ZNF398: variants seen among roughly 807,000 people sequenced by gnomAD.
The protein encoded by ZNF398 is zinc finger protein 398, also known as zinc finger DNA binding protein ZER6.
A neutral mutation model predicts 41.9 loss-of-function variants in ZNF398; 18 were observed. The ratio of observed to expected loss-of-function variants is 0.43; its 90% CI spans 0.30 to 0.64. The LOEUF (loss-of-function observed/expected upper bound fraction) is 0.64. Ranked by LOEUF, ZNF398 falls within the 30% of genes least tolerant of loss-of-function variation. ZNF398 has a pLI of 0.14. For synonymous variants in ZNF398, 260 were observed against 308.8 expected (o/e 0.84, Z 1.66); for missense variants, 669 against 822.8 (o/e 0.81, Z 2.29).
chr7:149,159,874 C>CA (rs957995879), intron 2 of ZNF398, among the ~76,000 whole-genome samples: 2 of 151,936 alleles, frequency 1.3e-5, no homozygotes, highest in African/African-American at 4.8e-5. Flanking sequence ...TAAAAGCATG[C>CA]ACCACCATGC....
chr7:149,163,475 C>A (rs13247381), intron 2 of ZNF398, among the ~76,000 whole-genome samples: 5,481 of 151,504 alleles, frequency 0.036, 159 homozygotes, highest in Admixed American at 0.06. Flanking sequence ...CGAGTTCAAG[C>A]GATTCTCCTG....
chr7:149,128,465 G>A, intron 1 of ZNF398, among the ~76,000 whole-genome samples: 1 of 152,048 alleles, frequency 6.6e-6, no homozygotes, highest in African/African-American at 2.4e-5. Context: ...TAGATTCTCT[G>A]GCCGGGCGCA....
intron 2 of ZNF398, among the ~76,000 whole-genome samples, chr7:149,133,679 ACATATATATGTGTG>A (rs369049773): frequency 0.089 from 3,122 of 34,956 alleles, 147 homozygotes; most frequent in Non-Finnish European, 0.13. Flanking sequence ...ATATATATAT[ACATATATATGTGTG>A]TATATATATA....
chr7:149,154,273 A>T lies in ZNF398; in HGVS notation c.353A>T (p.Asn118Ile). The T allele has an allele frequency of 6.2e-7, 1 of 1,614,090 alleles. No homozygotes were observed. Among genetic ancestry groups the T allele is most frequent in the Non-Finnish European group, 8.5e-7 (1 of 1,180,014 alleles). Residue 118 changes from asparagine (N) to isoleucine (I), a missense_variant, in exon 2 of 6, where the codon AAC becomes ATC. Physicochemically the swap from Asn to Ile is moderately radical, Grantham distance 149. Around this residue, in one of 3 missense-constraint regions of ZNF398, gnomAD observed 169 missense variants for 239.5 expected, o/e 0.71. Coordinates refer to ENST00000475153, the MANE Select transcript of ZNF398 (RefSeq NM_170686.3). ...CAGAGGCGGCTGGAGAACTTGGAGA[A>T]CCTGCTGCGCAACAGGAACTTCTGG... The part of the protein sequence containing the change: ...LLQRRLENLE[N>I]LLRNRNFWIL...
intron 2 of ZNF398, among the ~76,000 whole-genome samples, chr7:149,165,134 G>GA (rs1209275774): frequency 1.3e-5 from 2 of 151,180 alleles, no homozygotes; most frequent in Admixed American, 6.6e-5. Flanking sequence ...TGCAGAGGAA[G>GA]AAAAAAACGA....
rs1275419514 is a variant in ZNF398, at chr7:149,147,511, T to G, written c.-232T>G. ...CCGCTGCGGGTGGAGTGCGGCGGAG[T>G]CGGCCTCGCGACCCCAGCTTGATCC... On this transcript the variant is annotated 5_prime_UTR_variant, in exon 1 of 6. Coordinates refer to ENST00000475153, the MANE Select transcript of ZNF398 (RefSeq NM_170686.3). This position sits in a 1 kb window ranked among gnomAD's most constrained non-coding sequence, Gnocchi z 5.6. 3.1e-6 allele frequency: 1 copy of G among 327,866 alleles called. No homozygotes were observed. The highest frequency in any genetic ancestry group is 5.4e-6 in the Non-Finnish European group (1 of 186,826). 20.3% of individuals were successfully genotyped at this position (327,866 alleles called of 1,614,324 possible).
At chr7:149,165,388 A>C (rs1194426501) in intron 2 of ZNF398, among the ~76,000 whole-genome samples, 1 of 152,236 alleles carries the variant, frequency 6.6e-6, no homozygotes, top group Non-Finnish European at 1.5e-5. Flanking sequence ...GTCAAGCTAA[A>C]GAGAAATTGC....
chr7:149,155,731 A>ATTTTTT (rs1235445656), intron 2 of ZNF398, among the ~76,000 whole-genome samples: 69 of 56,780 alleles, frequency 1.2e-3, no homozygotes, highest in Admixed American at 1.6e-3. Flanking sequence ...TTTTTTTTTA[A>ATTTTTT]TTTTTTTTTT....
intron 2 of ZNF398, among the ~76,000 whole-genome samples, chr7:149,138,362 C>T (rs1415611821): frequency 6.6e-6 from 1 of 152,074 alleles, no homozygotes; most frequent in African/African-American, 2.4e-5. Flanking sequence ...GGTGGATCAC[C>T]TGAGATCAGG....
upstream of ZNF398, among the ~76,000 whole-genome samples, chr7:149,145,638 T>A (rs1412691510): frequency 6.6e-6 from 1 of 152,216 alleles, no homozygotes; most frequent in Non-Finnish European, 1.5e-5. Context: ...GGGATGAGCA[T>A]GAGAATGTAG....
intron 4 of ZNF398, among the ~76,000 whole-genome samples, chr7:149,167,564 A>G (rs1202794044): frequency 1.3e-5 from 2 of 151,808 alleles, no homozygotes; most frequent in African/African-American, 4.8e-5. Flanking sequence ...TCCTCCGGGC[A>G]TCTCTATTAT....
intron 4 of ZNF398, among the ~76,000 whole-genome samples, chr7:149,173,925 C>T (rs1795408720): frequency 6.6e-6 from 1 of 151,502 alleles, no homozygotes; most frequent in South Asian, 2.1e-4. Context: ...TCCTGGGCAG[C>T]TAGGAAATAC....
chr7:149,171,521 G>A (rs113882082), intron 4 of ZNF398, among the ~76,000 whole-genome samples: 2 of 148,794 alleles, frequency 1.3e-5, no homozygotes, highest in African/African-American at 5.0e-5. Context: ...GGCATGCTGC[G>A]CCCCCACGCC....
chr7:149,156,302 T>G (rs1794978447), intron 2 of ZNF398, among the ~76,000 whole-genome samples: 1 of 150,548 alleles, frequency 6.6e-6, no homozygotes, highest in Non-Finnish European at 1.5e-5. Context: ...GTCAGGAGTT[T>G]GAGACCAGCC....
rs758602839 is a variant in ZNF398 at position 149,179,405 on chromosome 7, C to T, written c.1533C>T (p.Tyr511=). Residue 511 remains tyrosine, a synonymous_variant, in exon 6 of 6, where the codon TAC becomes TAT. Transcript: ENST00000475153. The surrounding 1 kb of genome is among the most constrained non-coding windows in gnomAD (Gnocchi z 6.1). The stretch of plus-strand genomic sequence containing the variant: ...TGATCCACACAGGCGAGCGTCCTTA[C>T]CCCTGCACTGACTGCAGTAAGAGCT... ...HQMIHTGERP[Y]PCTDCSKSFM... is the part of the protein sequence containing the mutation. 5 of 1,613,806 alleles carry T rather than the reference C, an allele frequency of 3.1e-6. No homozygotes were observed. In the African/African-American group the frequency reaches 4.0e-5, roughly 13 times the overall value.
chr7:149,130,975 T>C (rs1371976993), intron 2 of ZNF398, among the ~76,000 whole-genome samples: 1 of 152,146 alleles, frequency 6.6e-6, no homozygotes, highest in Non-Finnish European at 1.5e-5. Context: ...GCAATCATGA[T>C]GGGTGAGGGG....
At chr7:149,141,447 C>CTTTTTTTTTTTTT in intron 2 of ZNF398, among the ~76,000 whole-genome samples, 1 of 116,816 alleles carries the variant, frequency 8.6e-6, no homozygotes, top group Non-Finnish European at 1.7e-5. Context: ...AGCTACTTTT[C>CTTTTTTTTTTTTT]TTTTTTTTCT....
chr7:149,155,973 G>A (rs545384486), intron 2 of ZNF398, among the ~76,000 whole-genome samples: 2 of 151,790 alleles, frequency 1.3e-5, no homozygotes, highest in East Asian at 2.0e-4. Flanking sequence ...TGATCCGCTC[G>A]CCTTGGCCTC....
chr7:149,145,445 T>C (rs552468191), upstream of ZNF398, among the ~76,000 whole-genome samples: 2 of 152,322 alleles, frequency 1.3e-5, no homozygotes, highest in South Asian at 4.1e-4. Flanking sequence ...CTATTGTTCC[T>C]ATAGATAGGA....
Sources: gnomAD v4.1 joint callset for allele counts (sites outside exome capture counted in the v4.1 genomes callset) on GRCh38, gnomAD v4.1.1 for gene constraint, gnomAD v4.1.1 regional missense constraint, Gnocchi (gnomAD v3.1) non-coding constraint, MANE v1.5 for transcripts, NCBI Gene and HGNC (gene_info 2026-07-23, HGNC 2026-07-21) for gene names.